The following HERC4 variants were observed in gnomAD, a reference collection of about 807,000 sequenced individuals.
The protein encoded by HERC4 is HECT and RLD domain containing E3 ubiquitin protein ligase 4, also known as probable E3 ubiquitin-protein ligase HERC4.
HERC4 carries 28 observed loss-of-function variants against 124.3 expected under a neutral mutation model. The ratio of observed to expected loss-of-function variants is 0.23; its 90% CI spans 0.17 to 0.31. The LOEUF is 0.31. HERC4 is among the 10% of genes least tolerant of loss of function. The pLI is 1.00. For synonymous variants in HERC4, 407 were observed against 421.5 expected, an observed-to-expected ratio of 0.97 and a Z score of 0.42; for missense variants, 713 against 1,229.3, an observed-to-expected ratio of 0.58 and a Z score of 6.28.
At chr10:67,985,624 A>G (rs1332031887) in intron 15 of HERC4, among the ~76,000 whole-genome samples, 1 of 152,206 alleles carries the variant, frequency 6.6e-6, no homozygotes, top group African/African-American at 2.4e-5. Flanking sequence ...CAGACCAAGT[A>G]AGGCTTCTCT....
At position 68,034,021 on chromosome 10, in the gene HERC4, G is replaced by C; in HGVS notation, c.629C>G (p.Ala210Gly). Residue 210 changes from alanine (A) to glycine (G), a missense_variant, in exon 6 of 25, where the codon GCT (alanine) becomes GGT (glycine). Physicochemically the swap from Ala to Gly is moderately conservative, Grantham distance 60. Transcript: ENST00000373700. ...AHSFVLTLSG[A>G]IFGWGRNKFG... Reference sequence around the variant, plus strand: ...CTTGTTGCGTCCCCATCCAAAGATAGCTCCAGAAAGGGTGAGTACAAAACT... The same window carrying C: ...CTTGTTGCGTCCCCATCCAAAGATACCTCCAGAAAGGGTGAGTACAAAACT... 1 of 1,614,072 alleles carries C rather than the reference G, an allele frequency of 6.2e-7. No individual in the cohort carries two copies. The highest frequency in any genetic ancestry group is 8.5e-7 in the Non-Finnish European group (1 of 1,180,002).
At chr10:67,992,351 G>A (rs1437054214) in intron 10 of HERC4, 28 bp from the exon 11 acceptor site, 2 of 1,608,762 alleles carry the variant, frequency 1.2e-6, no homozygotes, top group Non-Finnish European at 8.5e-7. Flanking sequence ...ATTAGTCAGA[G>A]GGAAGAGATA....
chr10:67,996,617 GTTT>G (rs1291548810), intron 9 of HERC4, among the ~76,000 whole-genome samples: 1 of 152,072 alleles, frequency 6.6e-6, no homozygotes, highest in Non-Finnish European at 1.5e-5. Context: ...TTAAAAAATA[GTTT>G]TTTATTTGAA....
intron 7 of HERC4, among the ~76,000 whole-genome samples, chr10:68,031,073 G>T (rs758615684): frequency 1.6e-4 from 24 of 152,046 alleles, no homozygotes; most frequent in African/African-American, 5.6e-4. Flanking sequence ...TTACTTTGGG[G>T]ATATTAACAA....
chr10:68,046,580 C>T (rs1355442798), intron 3 of HERC4, among the ~76,000 whole-genome samples: 1 of 152,042 alleles, frequency 6.6e-6, no homozygotes, highest in Non-Finnish European at 1.5e-5. Flanking sequence ...GAGTTTACAG[C>T]CTATGGAAAA....
intron 8 of HERC4, among the ~76,000 whole-genome samples, chr10:68,017,726 T>A (rs953724573): frequency 7.2e-5 from 11 of 152,158 alleles, no homozygotes; most frequent in African/African-American, 2.7e-4. Flanking sequence ...TGACCTCAGG[T>A]GATCAGTCTG....
rs772444059 is a variant in HERC4 at position 68,039,504 on chromosome 10, G to GT, written c.387-1336dup. 9.0e-6 allele frequency: 14 copies of GT among 1,550,324 alleles called. No individual in the cohort carries two copies. The South Asian group carries it at 1.7e-4, about 18-fold the overall frequency. ...CGGGAAGCAGCTTCAGCAAATCAAA[G>GT]TTTGAGCAGGAAAAAGGAGAGTTAC... is the stretch of plus-strand genomic sequence containing the variant. On this transcript the variant is annotated intron_variant, in intron 4 of 24. Coordinates refer to ENST00000373700, the MANE Select transcript of HERC4 (RefSeq NM_015601.4).
At chr10:68,006,356 C>T (rs1228389688) in intron 9 of HERC4, among the ~76,000 whole-genome samples, 3 of 149,282 alleles carry the variant, frequency 2.0e-5, no homozygotes, top group Non-Finnish European at 4.4e-5. Flanking sequence ...AACGCCTCAG[C>T]GTTTTTGTTT....
intron 9 of HERC4, among the ~76,000 whole-genome samples, chr10:68,004,596 T>C (rs558955298): frequency 5.9e-5 from 9 of 152,316 alleles, no homozygotes; most frequent in South Asian, 2.1e-4. Context: ...TCGTCTGTTT[T>C]CATGCTGCTA....
At chr10:68,013,418 T>C (rs1031538335) in intron 9 of HERC4, among the ~76,000 whole-genome samples, 7 of 152,222 alleles carry the variant, frequency 4.6e-5, no homozygotes, top group African/African-American at 1.4e-4. Flanking sequence ...AATTCTAACA[T>C]GTGCTACAAC....
chr10:67,985,825 T>C (rs1196540666), intron 15 of HERC4, among the ~76,000 whole-genome samples: 3 of 152,176 alleles, frequency 2.0e-5, no homozygotes, highest in Admixed American at 6.5e-5. Context: ...CCAAAGGACA[T>C]GACATATGGG....
Position 67,990,453 on chromosome 10 carries a change from A to G in HERC4, c.1444-53T>C, listed in dbSNP as rs568932094. The G allele has an allele frequency of 1.0e-4, 99 of 990,042 alleles. No homozygotes were observed. The African/African-American group carries it at 2.0e-3, about 20-fold the overall frequency. The allele number at this position is 990,042 out of a possible 1,614,324, so 61.3% of individuals were successfully genotyped here. A position where few individuals can be genotyped will look rare whatever the true frequency, so the allele number is the denominator to read the frequency against. Reference sequence around the variant, plus strand: ...CTTCATTTAAAATGAATACACTTTCAAAGAAAAAAAAAAAAAAGGAAGGCA... The same window carrying G: ...CTTCATTTAAAATGAATACACTTTCGAAGAAAAAAAAAAAAAAGGAAGGCA... On this transcript the variant is annotated intron_variant, in intron 13 of 24. Transcript: ENST00000373700.
intron 23 of HERC4, among the ~76,000 whole-genome samples, chr10:67,927,488 C>G (rs1205129881): frequency 8.6e-6 from 1 of 116,848 alleles, no homozygotes; most frequent in East Asian, 2.3e-4. Flanking sequence ...TACAGTGGCA[C>G]GATCTTGGCT....
chr10:67,967,496 T>C (rs1394907696), intron 15 of HERC4, among the ~76,000 whole-genome samples: 1 of 152,222 alleles, frequency 6.6e-6, no homozygotes, highest in African/African-American at 2.4e-5. Context: ...TGCTGGCATC[T>C]GATTAGAATA....
At chr10:68,001,199 C>CTTTAAAGAAAATCAGAATTCTG (rs2037210048) in intron 9 of HERC4, among the ~76,000 whole-genome samples, 1 of 151,476 alleles carries the variant, frequency 6.6e-6, no homozygotes, top group Non-Finnish European at 1.5e-5. Flanking sequence ...AGTGAGACCC[C>CTTTAAAGAAAATCAGAATTCTG]GTCTCTACAA....
At chr10:67,981,864 C>T (rs2035951086) in intron 15 of HERC4, among the ~76,000 whole-genome samples, 1 of 151,962 alleles carries the variant, frequency 6.6e-6, no homozygotes, top group African/African-American at 2.4e-5. Flanking sequence ...TCACTTGAAT[C>T]GGGGGGGTGG....
intron 8 of HERC4, 94 bp from the exon 9 acceptor site, chr10:68,014,280 T>C (rs2038134728): frequency 8.5e-7 from 1 of 1,177,320 alleles, no homozygotes. Context: ...AGGTAATTTT[T>C]CTTTTCAAAA....
intron 15 of HERC4, among the ~76,000 whole-genome samples, chr10:67,983,786 C>CAAAAAAAA (rs61012367): frequency 1.0e-5 from 1 of 100,160 alleles, no homozygotes. Flanking sequence ...GACTCTGTCT[C>CAAAAAAAA]AAAAAAAAAA....
intron 9 of HERC4, among the ~76,000 whole-genome samples, chr10:68,005,331 T>C (rs879568511): frequency 6.6e-6 from 1 of 152,226 alleles, no homozygotes; most frequent in Admixed American, 6.5e-5. Flanking sequence ...TTGAAATCTA[T>C]TTTGTCTGAT....
Sources: allele counts gnomAD v4.1 joint callset (sites outside exome capture counted in the v4.1 genomes callset), GRCh38; gene constraint gnomAD v4.1.1; transcripts MANE v1.5; gene names NCBI Gene and HGNC (gene_info 2026-07-23, HGNC 2026-07-21).